Variants in MEGF6 observed in about 807,000 individuals in gnomAD.
The protein encoded by MEGF6 is multiple epidermal growth factor-like domains protein 6.
Under a neutral mutation model 207.1 loss-of-function variants are expected in MEGF6, and 184 were observed. That is an observed-to-expected ratio of 0.89 (90% CI 0.79 to 1.00). The LOEUF (loss-of-function observed/expected upper bound fraction) is 1.00. Ranked by LOEUF, MEGF6 falls within the 50% of genes least tolerant of loss-of-function variation. The probability of loss-of-function intolerance (pLI) is 0.00; values close to 1 mark genes in which losing one functional copy is unlikely to be tolerated. For missense variants in MEGF6, 2,282 were observed against 2,202.9 expected (o/e 1.04, Z -0.72); for synonymous variants, 1,038 against 910.0 (o/e 1.14, Z -2.53).
chr1:3,606,330 G>A (rs1433435875), intron 1 of MEGF6, among the ~76,000 whole-genome samples: 1 of 152,234 alleles, frequency 6.6e-6, no homozygotes, highest in Non-Finnish European at 1.5e-5. Context: ...AGGATTGCGT[G>A]TGTTTGCCCA....
rs368759724 is a variant in MEGF6 at position 3,507,826 on chromosome 1, G to C, written c.1758C>G (p.Pro586=). 3 of 1,612,870 alleles carry C rather than the reference G, an allele frequency of 1.9e-6. No individual in the cohort carries two copies. The highest frequency in any genetic ancestry group is 1.7e-5 in the Admixed American group (1 of 60,012). Residue 586 remains proline (P), a synonymous_variant, in exon 14 of 37, where the codon CCC becomes CCG. Coordinates refer to ENST00000356575, the MANE Select transcript of MEGF6 (RefSeq NM_001409.4). ...CACAGTTAGTTCCACTGACACCCGG[G>C]GGGCAGCGGCAGGCCCCCGTGACAG... The part of the protein sequence containing the change: ...CDSVTGACRC[P]PGVSGTNCED...
intron 3 of MEGF6, among the ~76,000 whole-genome samples, chr1:3,580,904 C>T (rs1570184614): frequency 6.6e-6 from 1 of 152,100 alleles, no homozygotes; most frequent in Non-Finnish European, 1.5e-5. Flanking sequence ...CTCACAGCAC[C>T]CCTGCCAGTA....
At position 3,590,536 on chromosome 1, in the gene MEGF6, A is replaced by G. The variant is rs112323057; in HGVS notation, c.376+4802T>C. Among the ~76,000 whole-genome samples the G allele has an allele frequency of 3.6e-3, 554 of 152,324 alleles. 5 individuals carry two copies. The highest frequency in any genetic ancestry group is 0.012 in the African/African-American group (517 of 41,568). ...TAAGTAAGTGGCTCTCAGGGAAATC[A>G]TAACACGATTAGCAGCTTCCGGCCA... On this transcript the variant is annotated intron_variant, in intron 3 of 36. Transcript: ENST00000356575.
At chr1:3,491,187 T>C (rs551386994) in intron 35 of MEGF6, among the ~76,000 whole-genome samples, 1 of 151,630 alleles carries the variant, frequency 6.6e-6, no homozygotes, top group East Asian at 2.0e-4. Flanking sequence ...AAGCCTCTAC[T>C]ACCCGCGACA....
intron 4 of MEGF6, among the ~76,000 whole-genome samples, chr1:3,572,370 G>A (rs1306835518): frequency 9.1e-6 from 1 of 110,350 alleles, no homozygotes; most frequent in Non-Finnish European, 1.8e-5. Flanking sequence ...CCTCCTGGGT[G>A]TGCTGGGTTC....
intron 3 of MEGF6, among the ~76,000 whole-genome samples, chr1:3,586,811 G>C (rs527924646): frequency 4.6e-5 from 7 of 152,214 alleles, no homozygotes; most frequent in African/African-American, 1.4e-4. Context: ...TGACCCAGGA[G>C]GGGAGGGAGA....
intron 4 of MEGF6, among the ~76,000 whole-genome samples, chr1:3,537,299 G>T (rs755325309): frequency 2.2e-4 from 34 of 152,262 alleles, no homozygotes; most frequent in Non-Finnish European, 4.6e-4. Flanking sequence ...TGAAACAGGG[G>T]GAAGGAGCTA....
chr1:3,492,385 G>C (rs1640408889), intron 35 of MEGF6, among the ~76,000 whole-genome samples: 1 of 152,088 alleles, frequency 6.6e-6, no homozygotes, highest in African/African-American at 2.4e-5. Flanking sequence ...GGGAAAGATG[G>C]GCTGTTTCCA....
chr1:3,566,749 G>A (rs1276177810), intron 4 of MEGF6, among the ~76,000 whole-genome samples: 3 of 152,350 alleles, frequency 2.0e-5, no homozygotes, highest in Non-Finnish European at 4.4e-5. Flanking sequence ...ATGAGGGCAC[G>A]CCCTAGAGGG....
In MEGF6 at chr1:3,507,794, C is replaced by T; in HGVS notation, c.1789+1G>A. ...GAAGCACCAGAAGAGGCTGCACGCA[C>T]CATCCTCACAGTTAGTTCCACTGAC... On this transcript the variant is annotated splice_donor_variant, in intron 14 of 36. Coordinates refer to ENST00000356575, the MANE Select transcript of MEGF6 (RefSeq NM_001409.4). LOFTEE classifies it high-confidence loss of function. 6.2e-7 allele frequency: 1 copy of T among 1,612,782 alleles called. No homozygotes were observed. The highest frequency in any genetic ancestry group is 8.5e-7 in the Non-Finnish European group (1 of 1,179,884).
chr1:3,579,918 C>T lies in MEGF6; in HGVS notation c.388G>A (p.Ala130Thr), dbSNP rs755027523. 2.0e-5 allele frequency: 31 copies of T among 1,527,220 alleles called. 1 individual carries two copies. The highest frequency in any genetic ancestry group is 3.8e-5 in the South Asian group (3 of 78,044). The allele number at this position is 1,527,220 out of a possible 1,614,324, so 94.6% of individuals were successfully genotyped here. A position where few individuals can be genotyped will look rare whatever the true frequency, so the allele number is the denominator to read the frequency against. The change falls in exon 4 of 37, where the codon GCC (alanine) becomes ACC (threonine). Residue 130 changes from alanine to threonine, a missense_variant. Coordinates refer to ENST00000356575, the MANE Select transcript of MEGF6 (RefSeq NM_001409.4). Reference protein sequence around the residue: ...EEGCLSAECSASLCFHGGRCV... With the variant: ...EEGCLSAECSTSLCFHGGRCV... ...CGGCCACCGTGAAAACAGAGGCTGG[C>T]GCTGCATTCAGCTGCGGAGGGAAGG...
chr1:3,511,767 C>G, intron 8 of MEGF6, 80 bp from the exon 9 acceptor site: 1 of 1,546,936 alleles, frequency 6.5e-7, no homozygotes. Flanking sequence ...CTACCTCCAC[C>G]CAGCAGCCAG....
chr1:3,541,878 C>G (rs893334781), intron 4 of MEGF6, among the ~76,000 whole-genome samples: 2 of 152,196 alleles, frequency 1.3e-5, no homozygotes, highest in Non-Finnish European at 2.9e-5. Context: ...CACCCCCTTA[C>G]AGCAGGTCCC....
chr1:3,611,499 T>A lies in MEGF6; in HGVS notation c.-231A>T. ...CCTGCAGGAACTCGCCCCGGCGCGT[T>A]GAGCACAGTGCCCCGGACTCAGAGC... On this transcript the variant is annotated 5_prime_UTR_variant, in exon 1 of 37. Coordinates refer to ENST00000356575, the MANE Select transcript of MEGF6 (RefSeq NM_001409.4). 2.1e-6 allele frequency: 1 copy of A among 483,466 alleles called. No individual in the cohort carries two copies. Among genetic ancestry groups the A allele is most frequent in the East Asian group, 3.9e-5 (1 of 25,434 alleles). The allele number at this position is 483,466 out of a possible 1,614,324, so 29.9% of individuals were successfully genotyped here.
At chr1:3,559,900 A>C (rs1005551021) in intron 4 of MEGF6, among the ~76,000 whole-genome samples, 1 of 151,760 alleles carries the variant, frequency 6.6e-6, no homozygotes, top group Non-Finnish European at 1.5e-5. Flanking sequence ...AATCCCAGCT[A>C]CTCGGGGGGC....
intron 18 of MEGF6, 115 bp downstream of exon 18, chr1:3,501,681 C>T: frequency 7.2e-7 from 1 of 1,395,510 alleles, no homozygotes; most frequent in Non-Finnish European, 9.5e-7. Context: ...AGCTCTCACA[C>T]CTGCTATAGA....
intron 9 of MEGF6, 40 bp downstream of exon 9, chr1:3,511,510 T>C (rs1159375003): frequency 2.5e-6 from 4 of 1,572,730 alleles, no homozygotes; most frequent in South Asian, 1.1e-5. Flanking sequence ...AGCGGGTCCC[T>C]GGAGTGGGGT....
chr1:3,544,028 C>T (rs558756009), intron 4 of MEGF6, among the ~76,000 whole-genome samples: 396 of 152,316 alleles, frequency 2.6e-3, no homozygotes, highest in African/African-American at 9.0e-3. Flanking sequence ...GCCGCTCTAT[C>T]GCGGGAGAGC....
chr1:3,530,957 G>T (rs1642135958), intron 4 of MEGF6: 1 of 1,306,568 alleles, frequency 7.7e-7, no homozygotes, highest in Non-Finnish European at 9.9e-7. Flanking sequence ...GCACTGCCCC[G>T]CCCTGCTCCC....
Sources: allele counts gnomAD v4.1 joint callset (sites outside exome capture counted in the v4.1 genomes callset), GRCh38; gene constraint gnomAD v4.1.1; transcripts MANE v1.5; gene names NCBI Gene and HGNC (gene_info 2026-07-23, HGNC 2026-07-21).